The following FAM107A variants were observed in gnomAD, a reference collection of about 807,000 sequenced individuals.
FAM107A encodes family with sequence similarity 107 member A.
FAM107A carries 19 observed loss-of-function variants against 13.7 expected under a neutral mutation model. That is an observed-to-expected ratio of 1.38 (90% CI 0.97 to 2.03). FAM107A has a LOEUF of 2.03. Ranked by LOEUF, FAM107A falls within the 30% of genes most tolerant of loss-of-function variation. FAM107A has a pLI of 0.00. For missense variants in FAM107A, 203 were observed against 184.4 expected (o/e 1.10, Z -0.58); for synonymous variants, 82 against 74.5 (o/e 1.10, Z -0.52).
At chr3:58,610,668 T>C (rs567555430) in intron 1 of FAM107A, among the ~76,000 whole-genome samples, 131 of 152,324 alleles carry the variant, frequency 8.6e-4, no homozygotes, top group Non-Finnish European at 1.4e-3. Flanking sequence ...AATCCATCTG[T>C]TAAAAGCTTT....
chr3:58,600,907 C>T (rs533468666), intron 1 of FAM107A, among the ~76,000 whole-genome samples: 9 of 152,156 alleles, frequency 5.9e-5, no homozygotes, highest in African/African-American at 1.7e-4. Context: ...GGTCTCCCTT[C>T]GGGCACCAGA....
chr3:58,567,664 C>T (rs2063636445), intron 2 of FAM107A, among the ~76,000 whole-genome samples: 1 of 152,172 alleles, frequency 6.6e-6, no homozygotes. Flanking sequence ...GGATACTTTC[C>T]TAAAGGTAGA....
At chr3:58,626,938 C>T (rs1203647347) in intron 1 of FAM107A, 3 of 1,535,036 alleles carry the variant, frequency 2.0e-6, no homozygotes, top group East Asian at 2.4e-5. Context: ...TTCCCATGAC[C>T]AGGGCCCCAA....
chr3:58,590,877 G>T (rs924183981), upstream of FAM107A, among the ~76,000 whole-genome samples: 13 of 152,210 alleles, frequency 8.5e-5, 1 homozygote, highest in African/African-American at 3.1e-4. Context: ...TCCAGATTGA[G>T]CTTTTAAAGC....
In FAM107A at chr3:58,592,582, T is replaced by A. The variant is rs574247950; in HGVS notation, c.-69-3313A>T. On this transcript the variant is annotated intron_variant, in intron 1 of 3. Transcript: ENST00000465970. ...GCCTTCCCACCTCTATACAGTCCGA[T>A]AACGGACCGGCCTTTATTAGTCAAA... Among the ~76,000 whole-genome samples, 8 of 152,312 alleles carry A rather than the reference T, an allele frequency of 5.3e-5. No individual in the cohort carries two copies. The East Asian group carries it at 1.5e-3, about 29-fold the overall frequency.
At chr3:58,612,201 T>C (rs577514508) in intron 1 of FAM107A, among the ~76,000 whole-genome samples, 2 of 152,158 alleles carry the variant, frequency 1.3e-5, no homozygotes, top group South Asian at 4.1e-4. Flanking sequence ...TGTGAAGGAA[T>C]GAAAACAACC....
chr3:58,599,303 T>G (rs1275115058), intron 1 of FAM107A, among the ~76,000 whole-genome samples: 2 of 152,188 alleles, frequency 1.3e-5, no homozygotes, highest in Non-Finnish European at 2.9e-5. Context: ...TGCCTTTCTG[T>G]CCACATGGGT....
intron 1 of FAM107A, among the ~76,000 whole-genome samples, chr3:58,598,718 G>C (rs565755776): frequency 1.3e-5 from 2 of 152,192 alleles, no homozygotes; most frequent in African/African-American, 4.8e-5. Context: ...CCCTTTCCCT[G>C]AGTCATCACT....
intron 1 of FAM107A, chr3:58,574,176 A>C (rs1263929109): frequency 2.6e-5 from 4 of 152,204 alleles, no homozygotes; most frequent in Non-Finnish European, 5.9e-5. Context: ...CACTATTAAT[A>C]AATCCCATTC....
chr3:58,617,092 C>T lies in FAM107A; in HGVS notation c.-70+10324G>A, dbSNP rs7637697. ...TGGCCTCGGCTACCCAGTTTCTGAT[C>T]GTTTGTTATGGCCGCCCCAGGAAAC... On this transcript the variant is annotated intron_variant, in intron 1 of 3. Coordinates refer to the FAM107A transcript ENST00000465970. The surrounding 1 kb of genome is among the most constrained non-coding windows in gnomAD (Gnocchi z 4.5). Among the ~76,000 whole-genome samples, 56,912 of 151,834 alleles carry T rather than the reference C, an allele frequency of 0.37. 11,164 individuals carry two copies. The highest frequency in any genetic ancestry group is 0.52 in the South Asian group (2,521 of 4,816).
At chr3:58,579,441 C>G (rs1431081049), upstream of FAM107A, among the ~76,000 whole-genome samples, 1 of 152,086 alleles carries the variant, frequency 6.6e-6, no homozygotes, top group African/African-American at 2.4e-5. Flanking sequence ...TTCCCCAATT[C>G]TGCATTTCTT....
At chr3:58,594,016 C>T (rs750265359) in intron 1 of FAM107A, among the ~76,000 whole-genome samples, 4 of 152,028 alleles carry the variant, frequency 2.6e-5, no homozygotes, top group Non-Finnish European at 5.9e-5. Context: ...AACTACTATC[C>T]CTGTTTCCTC....
At position 58,577,368 on chromosome 3, in the gene FAM107A, A is replaced by G. The variant is rs1051375674; in HGVS notation, c.-65T>C. Reference sequence around the variant, plus strand: ...AGCGTGTTGCTGGGTTCCTCACTCCACCGGGAAGTCCCAGACTAGCAAGGA... The same window carrying G: ...AGCGTGTTGCTGGGTTCCTCACTCCGCCGGGAAGTCCCAGACTAGCAAGGA... On this transcript the variant is annotated 5_prime_UTR_variant, in exon 1 of 4. Transcript: ENST00000360997. The surrounding 1 kb of genome is among the most constrained non-coding windows in gnomAD (Gnocchi z 4.9). 5.1e-6 allele frequency: 5 copies of G among 985,230 alleles called. No individual in the cohort carries two copies. The African/African-American group carries it at 7.0e-5, about 14-fold the overall frequency. The allele number at this position is 985,230 out of a possible 1,614,324, so 61.0% of individuals were successfully genotyped here.
At chr3:58,610,231 A>G (rs2065840112) in intron 1 of FAM107A, among the ~76,000 whole-genome samples, 1 of 152,164 alleles carries the variant, frequency 6.6e-6, no homozygotes, top group Non-Finnish European at 1.5e-5. Context: ...GGGTTACTAA[A>G]TGGGGGTTGC....
rs199567756 is a variant in FAM107A, at chr3:58,606,080, ATTATGCTG to A, written c.-69-16819_-69-16812del. Among the ~76,000 whole-genome samples the A allele has an allele frequency of 6.5e-3, 984 of 152,146 alleles. 6 individuals are homozygous for A. The highest frequency in any genetic ancestry group is 0.022 in the African/African-American group (926 of 41,494). ...GAGGTCATTGCTCTTTGCATGGATG[ATTATGCTG>A]TTATCTCTTTTTTGTTTGTTTGTTT... is the stretch of plus-strand genomic sequence containing the variant. On this transcript the variant is annotated intron_variant, in intron 1 of 3. Coordinates refer to the FAM107A transcript ENST00000465970.
At chr3:58,611,101 C>G (rs558954503) in intron 1 of FAM107A, among the ~76,000 whole-genome samples, 8 of 152,306 alleles carry the variant, frequency 5.3e-5, no homozygotes, top group Non-Finnish European at 1.0e-4. Context: ...AAGAAAGTGC[C>G]TTTCTTTCCC....
chr3:58,621,025 C>A (rs2065949848), intron 1 of FAM107A, among the ~76,000 whole-genome samples: 1 of 152,072 alleles, frequency 6.6e-6, no homozygotes, highest in Non-Finnish European at 1.5e-5. Flanking sequence ...GGAGTTTCAG[C>A]CCAGGCCATT....
At chr3:58,595,228 C>G (rs139176908) in intron 1 of FAM107A, among the ~76,000 whole-genome samples, 13,301 of 152,064 alleles carry the variant, frequency 0.087, 741 homozygotes, top group African/African-American at 0.15. Flanking sequence ...CCTTCACCAC[C>G]ATTTTGTTTT....
intron 1 of FAM107A, chr3:58,627,036 A>G: frequency 6.5e-7 from 1 of 1,533,768 alleles, no homozygotes; most frequent in Non-Finnish European, 8.7e-7. Flanking sequence ...TGCAGGGGCC[A>G]GGCTGGGGTC....
Sources: allele counts gnomAD v4.1 joint callset (sites outside exome capture counted in the v4.1 genomes callset), GRCh38; gene constraint gnomAD v4.1.1; non-coding constraint Gnocchi (gnomAD v3.1); transcripts MANE v1.5; gene names NCBI Gene and HGNC (gene_info 2026-07-23, HGNC 2026-07-21).